The following DCAF5 variants were observed in gnomAD, a reference collection of about 807,000 sequenced individuals.
The protein encoded by DCAF5 is DDB1 and CUL4 associated factor 5.
Under a neutral mutation model 80.7 loss-of-function variants are expected in DCAF5, and 9 were observed. That is an observed-to-expected ratio of 0.11 (90% CI 0.07 to 0.19). DCAF5 has a LOEUF of 0.19. Ranked by LOEUF, DCAF5 falls within the 10% of genes least tolerant of loss-of-function variation. The pLI is 1.00. For missense variants in DCAF5, 842 were observed against 1,205.7 expected, an observed-to-expected ratio of 0.70 and a Z score of 4.47; for synonymous variants, 433 against 461.9, an observed-to-expected ratio of 0.94 and a Z score of 0.80.
At chr14:69,130,627 T>C (rs778573331) in intron 1 of DCAF5, among the ~76,000 whole-genome samples, 2 of 152,266 alleles carry the variant, frequency 1.3e-5, no homozygotes, top group Admixed American at 6.5e-5. Flanking sequence ...TTACTACTTA[T>C]ATATGTACAA....
Position 69,116,608 on chromosome 14 carries a change from G to A in DCAF5, c.536-113C>T, listed in dbSNP as rs377480459. The A allele has an allele frequency of 4.5e-4, 595 of 1,314,458 alleles. 5 individuals carry two copies. In the South Asian group the frequency reaches 7.0e-3, roughly 15 times the overall value. 81.4% of individuals were successfully genotyped at this position (1,314,458 alleles called of 1,614,324 possible). On this transcript the variant is annotated intron_variant, in intron 4 of 8. Transcript: ENST00000341516. ...AGCACTCTTTAATAACCACTCCAAC[G>A]GCCTGGAGCCCCAAAACAGCACATA...
At position 69,083,840 on chromosome 14, in the gene DCAF5, A is replaced by G. The variant is rs2039210778; in HGVS notation, c.879+7834T>C. 6 of 739,344 alleles carry G rather than the reference A, an allele frequency of 8.1e-6. No homozygotes were observed. In the Admixed American group the frequency reaches 1.2e-4, roughly 15 times the overall value. The allele number at this position is 739,344 out of a possible 1,614,324, so 45.8% of individuals were successfully genotyped here. On this transcript the variant is annotated intron_variant, in intron 6 of 8. Transcript: ENST00000341516. ...AAAGAAACAGAAAATAATGTTGAGA[A>G]GCCAGATGATGAAGATGACAGTGAG...
At chr14:69,151,753 T>G (rs898522484) in intron 1 of DCAF5, among the ~76,000 whole-genome samples, 64 of 152,164 alleles carry the variant, frequency 4.2e-4, no homozygotes, top group African/African-American at 1.5e-3. Flanking sequence ...CAGGGGCAGC[T>G]GTCGCCGCGG....
At chr14:69,134,205 A>G (rs1370867911) in intron 1 of DCAF5, among the ~76,000 whole-genome samples, 2 of 152,218 alleles carry the variant, frequency 1.3e-5, no homozygotes, top group Non-Finnish European at 2.9e-5. Context: ...GTCTGAGTCC[A>G]AAGCCCCTGC....
intron 1 of DCAF5, among the ~76,000 whole-genome samples, chr14:69,150,597 A>T (rs559844431): frequency 2.0e-5 from 3 of 152,224 alleles, no homozygotes; most frequent in East Asian, 1.9e-4. Context: ...TATTTTTTTT[A>T]AAGTGTGAGC....
At chr14:69,102,084 T>C (rs1208346871) in intron 5 of DCAF5, among the ~76,000 whole-genome samples, 1 of 151,216 alleles carries the variant, frequency 6.6e-6, no homozygotes, top group Non-Finnish European at 1.5e-5. Flanking sequence ...CTTTCTGCAA[T>C]AATTAACCTT....
intron 5 of DCAF5, among the ~76,000 whole-genome samples, chr14:69,107,067 T>TTAAAAAAG (rs2040188404): frequency 6.6e-6 from 1 of 151,630 alleles, no homozygotes; most frequent in African/African-American, 2.4e-5. Context: ...AATTAAATAA[T>TTAAAAAAG]TAAATAAGAA....
At chr14:69,101,352 C>A (rs925321357) in intron 5 of DCAF5, among the ~76,000 whole-genome samples, 2 of 152,196 alleles carry the variant, frequency 1.3e-5, no homozygotes, top group African/African-American at 4.8e-5. Flanking sequence ...TTATTGAATA[C>A]CTGCTGACTA....
rs1353437625 is a variant in DCAF5 at position 69,052,231 on chromosome 14, C to T, written c.*1626G>A. On this transcript the variant is annotated 3_prime_UTR_variant, in exon 9 of 9. Coordinates refer to ENST00000341516, the MANE Select transcript of DCAF5 (RefSeq NM_003861.3). ...CAACCACCTTGTGTTTATAAATAACCCCCCCACCCCCAGTGCCTGAATTCA... is the reference window on the plus strand; with the variant it reads ...CAACCACCTTGTGTTTATAAATAACTCCCCCACCCCCAGTGCCTGAATTCA... 6.6e-6 allele frequency: 1 copy of T among 152,316 alleles called. No individual in the cohort carries two copies. Among genetic ancestry groups the T allele is most frequent in the Non-Finnish European group, 1.5e-5 (1 of 68,022 alleles). 9.4% of individuals were successfully genotyped at this position (152,316 alleles called of 1,614,324 possible).
At chr14:69,103,716 T>C (rs1247042008) in intron 5 of DCAF5, among the ~76,000 whole-genome samples, 1 of 152,228 alleles carries the variant, frequency 6.6e-6, no homozygotes, top group Non-Finnish European at 1.5e-5. Context: ...TAACAATCAC[T>C]GCAATTAAGA....
At chr14:69,128,465 C>A (rs2040940956) in intron 1 of DCAF5, among the ~76,000 whole-genome samples, 2 of 152,062 alleles carry the variant, frequency 1.3e-5, no homozygotes. Context: ...GGATTACAGG[C>A]GTGAGCCTGG....
chr14:69,089,071 TA>T (rs2039442273), intron 6 of DCAF5: 1 of 152,638 alleles, frequency 6.6e-6, no homozygotes, highest in Admixed American at 6.5e-5. Flanking sequence ...TTGGATGAAT[TA>T]TTTAATTCAT....
intron 7 of DCAF5, among the ~76,000 whole-genome samples, chr14:69,067,494 G>A (rs1224321518): frequency 6.6e-6 from 1 of 151,192 alleles, no homozygotes; most frequent in Non-Finnish European, 1.5e-5. Flanking sequence ...TAGGGACATG[G>A]CACCACACCT....
chr14:69,132,260 C>T lies in DCAF5; in HGVS notation c.215-9900G>A, dbSNP rs1442358461. Among the ~76,000 whole-genome samples, 7 of 152,284 alleles carry T rather than the reference C, an allele frequency of 4.6e-5. No individual in the cohort carries two copies. The East Asian group carries it at 1.3e-3, about 29-fold the overall frequency. On this transcript the variant is annotated intron_variant, in intron 1 of 8. Coordinates refer to ENST00000341516, the MANE Select transcript of DCAF5 (RefSeq NM_003861.3). ...CTGCCCCATTTTATATTCTCACCAA[C>T]AACGTACAAGAGTTCCAATTTCTCC...
Position 69,055,038 on chromosome 14 carries a change from G to A in DCAF5, c.1648C>T (p.Pro550Ser). The change falls in exon 9 of 9, where the codon CCA becomes TCA. Residue 550 changes from proline to serine, a missense_variant. Physicochemically the swap from Pro to Ser is moderately conservative, Grantham distance 74 (BLOSUM62 -1). Transcript: ENST00000341516. The surrounding 1 kb of genome is among the most constrained non-coding windows in gnomAD (Gnocchi z 5.6). ...VELDTDLFPR[P>S]RSPSPEDESS... Reference sequence around the variant, plus strand: ...TCATCTTCGGGGCTGGGTGACCGTGGCCGGGGAAAGAGATCTGTGTCTAGT... The same window carrying A: ...TCATCTTCGGGGCTGGGTGACCGTGACCGGGGAAAGAGATCTGTGTCTAGT... The A allele has an allele frequency of 6.2e-7, 1 of 1,614,236 alleles. No homozygotes were observed. The highest frequency in any genetic ancestry group is 8.5e-7 in the Non-Finnish European group (1 of 1,180,040).
At chr14:69,106,599 T>C (rs1467211969) in intron 5 of DCAF5, among the ~76,000 whole-genome samples, 1 of 152,082 alleles carries the variant, frequency 6.6e-6, no homozygotes, top group Non-Finnish European at 1.5e-5. Context: ...CTTGAACTCC[T>C]AGCCTCAAGC....
At chr14:69,095,079 C>T (rs919228832) in intron 5 of DCAF5, among the ~76,000 whole-genome samples, 1 of 152,170 alleles carries the variant, frequency 6.6e-6, no homozygotes, top group East Asian at 1.9e-4. Flanking sequence ...TCTCCAATTC[C>T]TCTTCAGATC....
intron 6 of DCAF5, among the ~76,000 whole-genome samples, chr14:69,088,863 T>C (rs1217898754): frequency 6.6e-6 from 1 of 152,186 alleles, no homozygotes; most frequent in Non-Finnish European, 1.5e-5. Flanking sequence ...TCAAAGAATA[T>C]ACATGTCAGT....
chr14:69,076,706 T>C (rs989661944), intron 6 of DCAF5, among the ~76,000 whole-genome samples: 3 of 152,262 alleles, frequency 2.0e-5, no homozygotes, highest in Non-Finnish European at 4.4e-5. Context: ...ATAGTGGTGA[T>C]GGCTGCACAG....
Sources: allele counts gnomAD v4.1 joint callset (sites outside exome capture counted in the v4.1 genomes callset), GRCh38; gene constraint gnomAD v4.1.1; non-coding constraint Gnocchi (gnomAD v3.1); transcripts MANE v1.5; gene names NCBI Gene and HGNC (gene_info 2026-07-23, HGNC 2026-07-21).